DNAH9: variants seen among roughly 807,000 people sequenced by gnomAD.
DNAH9 encodes DNAH9 variant protein.
Under a neutral mutation model 471.6 loss-of-function variants are expected in DNAH9, and 345 were observed. The ratio of observed to expected loss-of-function variants is 0.73; its 90% CI spans 0.67 to 0.80. DNAH9 has a LOEUF of 0.80. DNAH9 is among the 30% of genes least tolerant of loss of function. The probability of loss-of-function intolerance (pLI) is 0.00; values close to 1 mark genes in which losing one functional copy is unlikely to be tolerated. For synonymous variants in DNAH9, 2,093 were observed against 2,123.6 expected (o/e 0.99, Z 0.40); for missense variants, 5,407 against 5,609.2 (o/e 0.96, Z 1.15).
chr17:11,776,333 T>C (rs900862489), intron 38 of DNAH9, among the ~76,000 whole-genome samples: 2 of 148,784 alleles, frequency 1.3e-5, no homozygotes, highest in African/African-American at 5.0e-5. Flanking sequence ...GGCTGCTGTA[T>C]CAGCCATCAC....
rs980048077 is a variant in DNAH9 at position 11,843,339 on chromosome 17, T to C, written c.9507+8441T>C. Among the ~76,000 whole-genome samples, 12 of 152,236 alleles carry C rather than the reference T, an allele frequency of 7.9e-5. No homozygotes were observed. The Middle Eastern group carries it at 0.014, about 175-fold the overall frequency. ...GCAATACCTTTCCTAATATCCACAA[T>C]AGCCAGTTAGAAAATATATTTTCAA... On this transcript the variant is annotated intron_variant, in intron 49 of 68. Coordinates refer to ENST00000262442, the MANE Select transcript of DNAH9 (RefSeq NM_001372.4).
chr17:11,669,162 G>C lies in DNAH9; in HGVS notation c.2830G>C (p.Gly944Arg). 6.2e-7 allele frequency: 1 copy of C among 1,613,746 alleles called. No individual in the cohort carries two copies. Among genetic ancestry groups the C allele is most frequent in the Middle Eastern group, 1.7e-4 (1 of 6,058 alleles). Residue 944 changes from glycine (G) to arginine (R), a missense_variant, in exon 16 of 69, where the codon GGT becomes CGT. Gly to Arg is a moderately radical substitution (Grantham distance 125). Transcript: ENST00000262442. ...GTCTCTGGAGTCTGGAGTGAAGGGG[G>C]GTTTCTGTGACATTGTTGAGGGTCT... ...YPSLESGVKGGFCDIVEGLIT... is the reference protein window; with the variant it reads ...YPSLESGVKGRFCDIVEGLIT...
At chr17:11,953,010 G>GGA (rs1473287959) in intron 67 of DNAH9, among the ~76,000 whole-genome samples, 2 of 152,120 alleles carry the variant, frequency 1.3e-5, no homozygotes, top group Non-Finnish European at 1.5e-5. Flanking sequence ...GGGGAAAGTG[G>GGA]GAGAGAGACT....
intron 38 of DNAH9, 151 bp from the exon 39 acceptor site, chr17:11,780,858 C>T: frequency 6.4e-6 from 5 of 775,382 alleles, no homozygotes; most frequent in Non-Finnish European, 1.0e-5. Flanking sequence ...CTGTTGGGAG[C>T]AGCAGTAGCT....
intron 67 of DNAH9, among the ~76,000 whole-genome samples, chr17:11,946,937 A>C (rs1028902441): frequency 1.3e-5 from 2 of 152,212 alleles, no homozygotes; most frequent in African/African-American, 4.8e-5. Flanking sequence ...CACTGTTAGC[A>C]TTCATGAAAA....
At chr17:11,655,824 A>C (rs914787188) in intron 14 of DNAH9, among the ~76,000 whole-genome samples, 3 of 151,972 alleles carry the variant, frequency 2.0e-5, no homozygotes, top group Non-Finnish European at 4.4e-5. Flanking sequence ...GAGGAGGCAA[A>C]GGCATAAGAA....
At chr17:11,783,589 G>A in intron 39 of DNAH9, 57 bp from the exon 40 acceptor site, 3 of 1,386,934 alleles carry the variant, frequency 2.2e-6, no homozygotes, top group Non-Finnish European at 3.1e-6. Context: ...CCTTGACAAA[G>A]CACTCACCTG....
intron 10 of DNAH9, 35 bp downstream of exon 10, chr17:11,640,419 T>TTCA: frequency 5.9e-6 from 8 of 1,366,122 alleles, no homozygotes; most frequent in Non-Finnish European, 8.4e-6. Context: ...AGGCTTGTCT[T>TTCA]GGGCTGCTGT....
At chr17:11,830,553 T>A (rs1292456441) in intron 48 of DNAH9, among the ~76,000 whole-genome samples, 1 of 152,058 alleles carries the variant, frequency 6.6e-6, no homozygotes, top group African/African-American at 2.4e-5. Flanking sequence ...CTAACTCAAA[T>A]TCATTTAGTG....
At chr17:11,719,586 G>T in intron 27 of DNAH9, 96 bp downstream of exon 27, 1 of 1,180,962 alleles carries the variant, frequency 8.5e-7, no homozygotes, top group Non-Finnish European at 1.2e-6. Flanking sequence ...CCCTGACCCA[G>T]CTTCCCCAGG....
intron 50 of DNAH9, among the ~76,000 whole-genome samples, chr17:11,867,299 A>G (rs1368741267): frequency 6.6e-6 from 1 of 152,204 alleles, no homozygotes; most frequent in African/African-American, 2.4e-5. Context: ...TGGAAAGCAT[A>G]TCTGTCAGAT....
intron 33 of DNAH9, among the ~76,000 whole-genome samples, chr17:11,755,207 C>A (rs915259664): frequency 3.3e-5 from 5 of 152,134 alleles, no homozygotes; most frequent in African/African-American, 1.2e-4. Flanking sequence ...CAGTACCATG[C>A]TGTTTTGGTT....
intron 26 of DNAH9, among the ~76,000 whole-genome samples, chr17:11,711,902 A>G (rs1169679763): frequency 1.1e-4 from 1 of 9,164 alleles, no homozygotes; most frequent in Non-Finnish European, 3.2e-4. Context: ...ATAAATATAT[A>G]TATTTGTATA....
intron 61 of DNAH9, among the ~76,000 whole-genome samples, chr17:11,912,398 G>GA (rs1487007846): frequency 2.0e-5 from 3 of 152,176 alleles, no homozygotes; most frequent in East Asian, 1.9e-4. Flanking sequence ...GATCTAAGGG[G>GA]AAAAAAATCA....
intron 50 of DNAH9, among the ~76,000 whole-genome samples, chr17:11,867,488 C>CT (rs573284567): frequency 1.5e-3 from 223 of 152,054 alleles, no homozygotes; most frequent in African/African-American, 5.1e-3. Context: ...TTCTCTCTTC[C>CT]TTTTAATAAC....
At chr17:11,729,076 C>G (rs1330534947) in intron 28 of DNAH9, among the ~76,000 whole-genome samples, 1 of 152,128 alleles carries the variant, frequency 6.6e-6, no homozygotes, top group Non-Finnish European at 1.5e-5. Context: ...ATCAGAGAAC[C>G]CCCAGAGACA....
chr17:11,644,353 G>A (rs1180367146), intron 10 of DNAH9, among the ~76,000 whole-genome samples: 1 of 152,130 alleles, frequency 6.6e-6, no homozygotes, highest in Admixed American at 6.6e-5. Context: ...CATACCTTGT[G>A]TGTGACTGGC....
intron 12 of DNAH9, 56 bp downstream of exon 12, chr17:11,647,254 T>C (rs921271598): frequency 6.5e-7 from 1 of 1,538,240 alleles, no homozygotes; most frequent in Non-Finnish European, 8.9e-7. Flanking sequence ...CTTTGAACTC[T>C]GCTGATTTCA....
rs1338082838 is a variant in DNAH9 at position 11,815,197 on chromosome 17, C to CT, written c.8707+4829dup. The stretch of plus-strand genomic sequence containing the variant: ...TTTCTTTTCCTTTTGTGGTAATAAA[C>CT]TGTTTTTTTTTTTCTTGTGGAACTG... On this transcript the variant is annotated intron_variant, in intron 45 of 68. Coordinates refer to ENST00000262442, the MANE Select transcript of DNAH9 (RefSeq NM_001372.4). Among the ~76,000 whole-genome samples, 115 of 26,824 alleles carry CT rather than the reference C, an allele frequency of 4.3e-3. 1 individual carries two copies. In the South Asian group the frequency reaches 0.21, roughly 48 times the overall value. 17.6% of individuals were successfully genotyped at this position (26,824 alleles called of 152,430 possible).
Sources: allele counts gnomAD v4.1 joint callset (sites outside exome capture counted in the v4.1 genomes callset), GRCh38; gene constraint gnomAD v4.1.1; transcripts MANE v1.5; gene names NCBI Gene and HGNC (gene_info 2026-07-23, HGNC 2026-07-21).